Variants in PLPP1 observed in about 807,000 individuals in gnomAD.
PLPP1 encodes the protein lipid phosphate phosphohydrolase 1a.
PLPP1 carries 24 observed loss-of-function variants against 31.2 expected under a neutral mutation model. The observed-to-expected ratio is 0.77, with a 90% CI of 0.56 to 1.08. PLPP1 has a LOEUF of 1.08. Among genes scored for constraint, PLPP1 ranks in the 50% least tolerant of loss-of-function variants. The probability of loss-of-function intolerance (pLI) is 0.00; values close to 1 mark genes in which losing one functional copy is unlikely to be tolerated. For synonymous variants in PLPP1, 146 were observed against 126.3 expected, an observed-to-expected ratio of 1.16 and a Z score of -1.05; for missense variants, 319 against 342.7, an observed-to-expected ratio of 0.93 and a Z score of 0.55.
At chr5:55,479,025 T>TTC (rs1491024142) in intron 1 of PLPP1, among the ~76,000 whole-genome samples, 1 of 25,528 alleles carries the variant, frequency 3.9e-5, no homozygotes, top group Non-Finnish European at 1.5e-4. Context: ...CCTATGAGAT[T>TTC]TTTTTTTTTT....
At chr5:55,521,794 G>A (rs1227543020) in intron 1 of PLPP1, among the ~76,000 whole-genome samples, 2 of 152,122 alleles carry the variant, frequency 1.3e-5, no homozygotes, top group Non-Finnish European at 2.9e-5. Flanking sequence ...TGGTAGGTAG[G>A]GCATAAAATG....
At chr5:55,507,065 G>A (rs1242480894) in intron 1 of PLPP1, among the ~76,000 whole-genome samples, 1 of 152,168 alleles carries the variant, frequency 6.6e-6, no homozygotes, top group African/African-American at 2.4e-5. Context: ...ATCAAGTTGT[G>A]TGTTATTTCT....
chr5:55,458,906 A>AAAAAC (rs1752085632), intron 3 of PLPP1, among the ~76,000 whole-genome samples: 1 of 144,150 alleles, frequency 6.9e-6, no homozygotes, highest in South Asian at 2.2e-4. Context: ...AAAAAAAAAA[A>AAAAAC]AAAAAAAAAA....
rs11312513 is a variant in PLPP1 at position 55,477,037 on chromosome 5, G to GA, written c.59-1588dup. 7.7e-3 allele frequency among the ~76,000 whole-genome samples: 311 copies of GA among 40,328 alleles called. 3 individuals are homozygous for GA. Among genetic ancestry groups the GA allele is most frequent in the African/African-American group, 0.018 (295 of 16,832 alleles). 26.5% of individuals were successfully genotyped at this position (40,328 alleles called of 152,430 possible). A position where few individuals can be genotyped will look rare whatever the true frequency, so the allele number is the denominator to read the frequency against. On this transcript the variant is annotated intron_variant, in intron 1 of 5. Coordinates refer to ENST00000307259, the MANE Select transcript of PLPP1 (RefSeq NM_003711.4). ...CTTCTAGTAATGCTACGCCTTAAAA[G>GA]AAAAAAAAAAAAATAATAAACTAGA...
intron 3 of PLPP1, among the ~76,000 whole-genome samples, chr5:55,445,190 C>A (rs1310467717): frequency 6.6e-6 from 1 of 152,190 alleles, no homozygotes; most frequent in African/African-American, 2.4e-5. Flanking sequence ...CATCTGCCTG[C>A]ATCCGCCTGC....
chr5:55,468,231 A>C lies in PLPP1; in HGVS notation c.211-82T>G. 2.3e-6 allele frequency: 3 copies of C among 1,291,992 alleles called. No homozygotes were observed. The South Asian group carries it at 4.4e-5, about 19-fold the overall frequency. The allele number at this position is 1,291,992 out of a possible 1,614,324, so 80.0% of individuals were successfully genotyped here. A position where few individuals can be genotyped will look rare whatever the true frequency, so the allele number is the denominator to read the frequency against. ...AACAAAACATAGGGGGAAAAAAGGA[A>C]ATGGTAAATCGCAAAAATATCTTTG... On this transcript the variant is annotated intron_variant, in intron 2 of 5. Transcript: ENST00000307259.
In PLPP1 at chr5:55,441,841, A is replaced by C; in HGVS notation, c.549+10T>G. Reference sequence around the variant, plus strand: ...CATAACCTAACCGTCAACAGACACAAAGTACTTACTGCCACAAACAGCATG... The same window carrying C: ...CATAACCTAACCGTCAACAGACACACAGTACTTACTGCCACAAACAGCATG... On this transcript the variant is annotated intron_variant, in intron 4 of 5. Coordinates refer to ENST00000307259, the MANE Select transcript of PLPP1 (RefSeq NM_003711.4). 6.2e-7 allele frequency: 1 copy of C among 1,611,858 alleles called. No individual in the cohort carries two copies. Among genetic ancestry groups the C allele is most frequent in the South Asian group, 1.1e-5 (1 of 91,034 alleles).
At chr5:55,478,199 G>A (rs1312313493) in intron 1 of PLPP1, among the ~76,000 whole-genome samples, 1 of 152,044 alleles carries the variant, frequency 6.6e-6, no homozygotes, top group Non-Finnish European at 1.5e-5. Context: ...ACTATTCTTA[G>A]ATTTAGAAAA....
intron 4 of PLPP1, among the ~76,000 whole-genome samples, chr5:55,426,717 G>T (rs908391030): frequency 5.3e-5 from 8 of 152,034 alleles, no homozygotes; most frequent in African/African-American, 1.9e-4. Context: ...CCAGTATCGT[G>T]GTTAGTTCTG....
intron 1 of PLPP1, among the ~76,000 whole-genome samples, chr5:55,487,335 A>G (rs767812004): frequency 1.7e-4 from 26 of 152,074 alleles, no homozygotes; most frequent in Non-Finnish European, 3.4e-4. Context: ...AAGTAAATGT[A>G]TAATGAATTA....
chr5:55,426,883 T>C (rs1021050488), intron 4 of PLPP1, among the ~76,000 whole-genome samples: 4 of 152,124 alleles, frequency 2.6e-5, no homozygotes, highest in African/African-American at 9.7e-5. Flanking sequence ...GCAAGTAATA[T>C]AGGTTGTAGT....
At chr5:55,470,592 G>A (rs969768229) in intron 2 of PLPP1, among the ~76,000 whole-genome samples, 1 of 152,158 alleles carries the variant, frequency 6.6e-6, no homozygotes, top group Non-Finnish European at 1.5e-5. Flanking sequence ...GCAAATGCTA[G>A]GTCAACTCAC....
intron 1 of PLPP1, among the ~76,000 whole-genome samples, chr5:55,502,540 A>G (rs1294147662): frequency 1.3e-5 from 2 of 152,174 alleles, no homozygotes; most frequent in Non-Finnish European, 2.9e-5. Flanking sequence ...AGTAGCTACT[A>G]GTCACATGAG....
At chr5:55,435,247 T>G (rs2407975) in intron 4 of PLPP1, among the ~76,000 whole-genome samples, 130,861 of 152,206 alleles carry the variant, frequency 0.86, 56,655 homozygotes, top group South Asian at 0.92. Context: ...AGAGATGCTG[T>G]TGAGGATGCA....
chr5:55,530,459 G>A lies in PLPP1; in HGVS notation c.58+4113C>T, dbSNP rs939076806. ...GACCAGAAGAACTTGTATTCTCTTG[G>A]TAAGTTTCTGTGTTATCAGATGTGG... On this transcript the variant is annotated intron_variant, in intron 1 of 5. Coordinates refer to ENST00000307259, the MANE Select transcript of PLPP1 (RefSeq NM_003711.4). 18 of 1,239,652 alleles carry A rather than the reference G, an allele frequency of 1.5e-5. No homozygotes were observed. The African/African-American group carries it at 2.2e-4, about 15-fold the overall frequency. 76.8% of individuals were successfully genotyped at this position (1,239,652 alleles called of 1,614,324 possible).
chr5:55,462,898 G>A lies in PLPP1; in HGVS notation c.491+4971C>T, dbSNP rs191731784. Among the ~76,000 whole-genome samples, 969 of 152,074 alleles carry A rather than the reference G, an allele frequency of 6.4e-3. 15 individuals are homozygous for A. The highest frequency in any genetic ancestry group is 0.02 in the African/African-American group (837 of 41,470). ...TCAGGCAGGAGAATGGCGTGAACCC[G>A]GGAGGCGAAGCTTGCAGAGAGCCAA... On this transcript the variant is annotated intron_variant, in intron 3 of 5. Transcript: ENST00000307259.
intron 4 of PLPP1, among the ~76,000 whole-genome samples, chr5:55,428,772 T>C (rs1400249392): frequency 6.6e-6 from 1 of 152,194 alleles, no homozygotes; most frequent in Admixed American, 6.5e-5. Context: ...ATTCCACTCT[T>C]CTCTCCTCCC....
chr5:55,484,136 A>G lies in PLPP1; in HGVS notation c.59-8686T>C, dbSNP rs544113019. ...GGACAGGACATGCCCAGTCTTAGCA[A>G]AAGTCCTGCTAAGTCAGCTAAGCAA... On this transcript the variant is annotated intron_variant, in intron 1 of 5. Transcript: ENST00000307259. Among the ~76,000 whole-genome samples the G allele has an allele frequency of 7.2e-5, 11 of 152,246 alleles. No homozygotes were observed. In the South Asian group the frequency reaches 1.9e-3, roughly 26 times the overall value.
intron 1 of PLPP1, among the ~76,000 whole-genome samples, chr5:55,492,385 T>C (rs1355203179): frequency 3.3e-5 from 5 of 152,136 alleles, no homozygotes; most frequent in African/African-American, 7.2e-5. Context: ...TTTTATTGCA[T>C]GTAAAGTTAA....
Sources: gnomAD v4.1 joint callset for allele counts (sites outside exome capture counted in the v4.1 genomes callset) on GRCh38, gnomAD v4.1.1 for gene constraint, MANE v1.5 for transcripts, NCBI Gene and HGNC (gene_info 2026-07-23, HGNC 2026-07-21) for gene names.